Variants in CLYBL observed in about 807,000 individuals in gnomAD.
CLYBL encodes the protein citramalyl-CoA lyase, mitochondrial.
CLYBL carries 31 observed loss-of-function variants against 38.9 expected under a neutral mutation model. That is an observed-to-expected ratio of 0.80 (90% CI 0.60 to 1.08). The LOEUF (loss-of-function observed/expected upper bound fraction) is 1.08. Among genes scored for constraint, CLYBL ranks in the 50% least tolerant of loss-of-function variants. CLYBL has a pLI of 0.00. For missense variants in CLYBL, 434 were observed against 411.6 expected (o/e 1.05, Z -0.47); for synonymous variants, 171 against 158.6 (o/e 1.08, Z -0.59).
intron 1 of CLYBL, among the ~76,000 whole-genome samples, chr13:99,639,590 A>G (rs1048912143): frequency 6.6e-6 from 1 of 152,186 alleles, no homozygotes; most frequent in Non-Finnish European, 1.5e-5. Flanking sequence ...AGGCAACTCT[A>G]TTTTTAGAAC....
At chr13:99,768,458 G>A (rs1176944590) in intron 1 of CLYBL, among the ~76,000 whole-genome samples, 3 of 144,336 alleles carry the variant, frequency 2.1e-5, no homozygotes, top group Non-Finnish European at 4.5e-5. Flanking sequence ...CTCCCAAAGT[G>A]CTGGGATTAC....
At chr13:99,633,210 CAAA>C (rs59801603) in intron 1 of CLYBL, among the ~76,000 whole-genome samples, 18 of 62,730 alleles carry the variant, frequency 2.9e-4, no homozygotes, top group East Asian at 1.1e-3. Context: ...GATCCTGTCT[CAAA>C]AAAAAAAAAA....
chr13:99,717,570 C>T (rs533293479), intron 1 of CLYBL, among the ~76,000 whole-genome samples: 1 of 152,182 alleles, frequency 6.6e-6, no homozygotes, highest in East Asian at 1.9e-4. Context: ...CCGGATCCTC[C>T]TGCCTCAGCC....
chr13:99,606,918 A>G (rs1408547937), intron 1 of CLYBL, among the ~76,000 whole-genome samples, 161 bp downstream of exon 1: 2 of 152,190 alleles, frequency 1.3e-5, no homozygotes, highest in African/African-American at 2.4e-5. Context: ...ACCTCGTCCA[A>G]GGTCGCTGCC....
chr13:99,702,632 CAA>C (rs60185334), intron 1 of CLYBL, among the ~76,000 whole-genome samples: 919 of 68,372 alleles, frequency 0.013, 6 homozygotes, highest in African/African-American at 0.041. Flanking sequence ...AATTCCGTCT[CAA>C]AAAAAAAAAA....
At chr13:99,755,163 C>T (rs2049039928) in intron 1 of CLYBL, among the ~76,000 whole-genome samples, 1 of 152,234 alleles carries the variant, frequency 6.6e-6, no homozygotes, top group Admixed American at 6.5e-5. Flanking sequence ...TCCCAGAGTG[C>T]TGGGATTACA....
chr13:99,610,686 G>A (rs1010422817), intron 1 of CLYBL, among the ~76,000 whole-genome samples: 3 of 152,168 alleles, frequency 2.0e-5, no homozygotes, highest in African/African-American at 7.2e-5. Flanking sequence ...CTGAAGGTTA[G>A]CTAGACATGA....
chr13:99,823,603 T>A (rs1042240563), intron 2 of CLYBL, among the ~76,000 whole-genome samples: 3 of 152,224 alleles, frequency 2.0e-5, no homozygotes, highest in Non-Finnish European at 4.4e-5. Flanking sequence ...GCATTTAAGG[T>A]TCCTCCTTAA....
chr13:99,862,763 G>A (rs1180482921), intron 3 of CLYBL, among the ~76,000 whole-genome samples: 1 of 152,008 alleles, frequency 6.6e-6, no homozygotes, highest in Non-Finnish European at 1.5e-5. Flanking sequence ...GCTCCTTTGG[G>A]AGAAAAAAAT....
At chr13:99,709,902 CTTTTTTTTTTTTCTTTCTTTCTT>C (rs2048201464) in intron 1 of CLYBL, among the ~76,000 whole-genome samples, 2 of 139,110 alleles carry the variant, frequency 1.4e-5, no homozygotes, top group African/African-American at 2.7e-5. Flanking sequence ...TCGCCCCTAC[CTTTTTTTTTTTTCTTTCTTTCTT>C]TTTTTTTTTT....
intron 7 of CLYBL, among the ~76,000 whole-genome samples, chr13:99,880,696 G>A (rs893255255): frequency 2.0e-5 from 3 of 152,214 alleles, no homozygotes; most frequent in African/African-American, 7.2e-5. Context: ...TTTCTGTGTG[G>A]AGAAGATGAT....
intron 1 of CLYBL, among the ~76,000 whole-genome samples, chr13:99,677,498 T>C: frequency 6.6e-6 from 1 of 152,222 alleles, no homozygotes; most frequent in East Asian, 1.9e-4. Context: ...GTGTGTGTTT[T>C]AAACGTTTCC....
intron 3 of CLYBL, among the ~76,000 whole-genome samples, chr13:99,859,291 G>A (rs895551175): frequency 4.6e-5 from 7 of 152,204 alleles, no homozygotes; most frequent in African/African-American, 1.4e-4. Flanking sequence ...TTGGATGTGT[G>A]GTTTGGCCAG....
chr13:99,779,003 A>T (rs917984554), intron 2 of CLYBL, among the ~76,000 whole-genome samples: 1 of 152,160 alleles, frequency 6.6e-6, no homozygotes, highest in African/African-American at 2.4e-5. Context: ...CAGGAGGGAG[A>T]CAAAAATGGT....
chr13:99,618,802 A>G (rs1313777263), intron 1 of CLYBL, among the ~76,000 whole-genome samples: 3 of 152,078 alleles, frequency 2.0e-5, no homozygotes, highest in Non-Finnish European at 4.4e-5. Context: ...ACATAGACTC[A>G]CATATTTGTC....
intron 1 of CLYBL, among the ~76,000 whole-genome samples, chr13:99,700,555 G>A (rs752394197): frequency 1.3e-5 from 2 of 152,212 alleles, no homozygotes; most frequent in Non-Finnish European, 2.9e-5. Flanking sequence ...CCGTCCTGTG[G>A]TGGTGTTTGT....
intron 3 of CLYBL, 147 bp downstream of exon 3, chr13:99,859,196 G>A (rs1218516140): frequency 8.2e-6 from 5 of 607,370 alleles, no homozygotes; most frequent in Middle Eastern, 4.3e-4. Flanking sequence ...TCAAGTATCC[G>A]TTTCTTTTAC....
chr13:99,669,481 G>A (rs1239358961), intron 1 of CLYBL, among the ~76,000 whole-genome samples: 1 of 152,070 alleles, frequency 6.6e-6, no homozygotes, highest in African/African-American at 2.4e-5. Context: ...GGGAGGGGAG[G>A]GTGTCATAAG....
downstream of CLYBL, chr13:99,893,431 T>C (rs1340041885): frequency 6.6e-6 from 1 of 152,290 alleles, no homozygotes. Context: ...GGCTTGGCAG[T>C]GGGAAGGCAA....
Sources: allele counts gnomAD v4.1 joint callset (sites outside exome capture counted in the v4.1 genomes callset), GRCh38; gene constraint gnomAD v4.1.1; transcripts MANE v1.5; gene names NCBI Gene and HGNC (gene_info 2026-07-23, HGNC 2026-07-21).